Variants in EXOC6 observed in about 807,000 individuals in gnomAD.
EXOC6 encodes SEC15-like 1.
EXOC6 carries 60 observed loss-of-function variants against 112.5 expected under a neutral mutation model. The observed-to-expected ratio is 0.53, with a 90% CI of 0.43 to 0.66. The LOEUF (loss-of-function observed/expected upper bound fraction) is 0.66, where lower values mean the gene tolerates loss of function less well. Among genes scored for constraint, EXOC6 ranks in the 30% least tolerant of loss-of-function variants. The pLI is 0.00. For synonymous variants in EXOC6, 295 were observed against 308.0 expected (o/e 0.96, Z 0.44); for missense variants, 855 against 957.1 (o/e 0.89, Z 1.41).
chr10:92,987,690 A>C, intron 18 of EXOC6: 1 of 887,772 alleles, frequency 1.1e-6, no homozygotes, highest in African/African-American at 1.8e-5. Flanking sequence ...AAAATAATGA[A>C]TTTCCTGCAG....
chr10:93,057,111 A>G (rs1846579494), intron 21 of EXOC6, 75 bp downstream of exon 21: 1 of 775,258 alleles, frequency 1.3e-6, no homozygotes, highest in East Asian at 2.9e-5. Context: ...AGAACTAGAG[A>G]TTTCTGTCAA....
chr10:92,997,359 T>A, intron 18 of EXOC6, 115 bp from the exon 19 acceptor site: 1 of 930,668 alleles, frequency 1.1e-6, no homozygotes. Context: ...GTAACCACTA[T>A]TGTACCAAGC....
rs78627331 is a variant in EXOC6 at position 93,052,497 on chromosome 10, A to C, written c.2170-4427A>C. 7.5e-4 allele frequency among the ~76,000 whole-genome samples: 114 copies of C among 152,378 alleles called. No individual in the cohort carries two copies. In the East Asian group the frequency reaches 0.018, roughly 24 times the overall value. ...AGGGAATGCTGAGGAAGTGAAATGTACAACTCACTTACAAATGTTGGCATA... is the reference window on the plus strand; with the variant it reads ...AGGGAATGCTGAGGAAGTGAAATGTCCAACTCACTTACAAATGTTGGCATA... On this transcript the variant is annotated intron_variant, in intron 20 of 21. Coordinates refer to ENST00000260762, the MANE Select transcript of EXOC6 (RefSeq NM_019053.6).
At chr10:92,982,278 G>A (rs1842854559) in intron 18 of EXOC6, among the ~76,000 whole-genome samples, 4 of 152,022 alleles carry the variant, frequency 2.6e-5, no homozygotes, top group Admixed American at 2.6e-4. Context: ...TCTATTAACA[G>A]GAGTATTCCT....
intron 1 of EXOC6, among the ~76,000 whole-genome samples, chr10:92,839,086 C>A (rs1207363140): frequency 6.6e-6 from 1 of 151,692 alleles, no homozygotes; most frequent in Non-Finnish European, 1.5e-5. Flanking sequence ...AAAAAAAAAT[C>A]CCCTAGCTTG....
chr10:92,893,024 A>C (rs1046914600), intron 1 of EXOC6, among the ~76,000 whole-genome samples: 1 of 152,210 alleles, frequency 6.6e-6, no homozygotes, highest in South Asian at 2.1e-4. Flanking sequence ...GAGTTTGTTC[A>C]TTCATTCTTT....
intron 2 of EXOC6, among the ~76,000 whole-genome samples, chr10:92,894,019 A>G (rs560530108): frequency 7.9e-5 from 12 of 152,312 alleles, no homozygotes; most frequent in African/African-American, 2.9e-4. Flanking sequence ...AGAGACCTAG[A>G]TTTGTTCAGT....
chr10:93,040,778 G>A (rs958417232), intron 20 of EXOC6, among the ~76,000 whole-genome samples: 1 of 152,260 alleles, frequency 6.6e-6, no homozygotes, highest in Middle Eastern at 3.4e-3. Context: ...TCTTTCTGCT[G>A]CATTTGGTAA....
intron 14 of EXOC6, among the ~76,000 whole-genome samples, chr10:92,951,592 A>G (rs1853417289): frequency 6.6e-6 from 1 of 152,210 alleles, no homozygotes; most frequent in South Asian, 2.1e-4. Flanking sequence ...GAAGGTGAAG[A>G]TAGAAGGGTA....
In EXOC6 at chr10:92,954,646, G is replaced by A. The variant is rs1214118234; in HGVS notation, c.1543G>A (p.Asp515Asn). The A allele has an allele frequency of 2.5e-6, 4 of 1,591,196 alleles. No homozygotes were observed. Among genetic ancestry groups the A allele is most frequent in the Non-Finnish European group, 3.4e-6 (4 of 1,162,310 alleles). ...TGTTTTTAGCTCAACAGAAATAGAC[G>A]ATATGCTTAGAAAATCAACAAATCT... Reference protein sequence around the residue: ...SLHRSSTEIDDMLRKSTNLLL... With the variant: ...SLHRSSTEIDNMLRKSTNLLL... The change falls in exon 16 of 22, where the codon GAT (aspartate) becomes AAT (asparagine). Residue 515 changes from aspartate (D) to asparagine (N), a missense_variant. By Grantham distance (23) the Asp-to-Asn change is conservative. This residue lies in a region of EXOC6 where 450 missense variants were observed against 563.5 expected (regional missense o/e 0.80). Transcript: ENST00000260762.
At chr10:92,933,202 T>C (rs867399862) in intron 9 of EXOC6, among the ~76,000 whole-genome samples, 1 of 151,992 alleles carries the variant, frequency 6.6e-6, no homozygotes, top group Non-Finnish European at 1.5e-5. Flanking sequence ...CTGCCACAAC[T>C]ACAAGGAGAA....
chr10:92,962,334 T>C (rs1211539919), intron 17 of EXOC6, among the ~76,000 whole-genome samples: 3 of 152,158 alleles, frequency 2.0e-5, no homozygotes, highest in Non-Finnish European at 4.4e-5. Flanking sequence ...TGTTAAATGA[T>C]GTTTATTAAG....
At chr10:92,896,179 ATATTTTTTTTTTTTTTTTTTTT>A (rs1480820036) in intron 4 of EXOC6, among the ~76,000 whole-genome samples, 382 of 13,070 alleles carry the variant, frequency 0.029, 37 homozygotes, top group African/African-American at 0.15. Flanking sequence ...ATATATATAT[ATATTTTTTTTTTTTTTTTTTTT>A]TTTTTTTTTT....
chr10:92,936,143 T>C (rs1021395956), intron 12 of EXOC6, among the ~76,000 whole-genome samples: 2 of 152,170 alleles, frequency 1.3e-5, no homozygotes, highest in African/African-American at 2.4e-5. Flanking sequence ...ATTTTTATAG[T>C]TGAAAAAAAG....
chr10:92,932,736 G>A lies in EXOC6; in HGVS notation c.973-1408G>A, dbSNP rs140518983. On this transcript the variant is annotated intron_variant, in intron 9 of 21. Transcript: ENST00000260762. ...AAGGGAAGATGTGAGATGCAAGAAG[G>A]AATGAATAGCAAAAAAAGTATAAAT... is the stretch of plus-strand genomic sequence containing the variant. Among the ~76,000 whole-genome samples, 62 of 152,158 alleles carry A rather than the reference G, an allele frequency of 4.1e-4. 1 individual carries two copies. The highest frequency in any genetic ancestry group is 2.0e-4 in the Admixed American group (3 of 15,278).
intron 1 of EXOC6, among the ~76,000 whole-genome samples, chr10:92,838,538 G>A (rs1039825752): frequency 6.6e-6 from 1 of 152,182 alleles, no homozygotes; most frequent in African/African-American, 2.4e-5. Flanking sequence ...ATAGTTTCAG[G>A]AGAGAGCTGA....
At chr10:93,038,391 A>G (rs1462097992) in intron 20 of EXOC6, among the ~76,000 whole-genome samples, 2 of 152,236 alleles carry the variant, frequency 1.3e-5, no homozygotes, top group African/African-American at 4.8e-5. Context: ...TACAAATAAA[A>G]AGAAATGTTT....
Position 92,974,181 on chromosome 10 carries a change from G to A in EXOC6, c.1902G>A (p.Met634Ile), listed in dbSNP as rs199656453. 12 of 1,586,726 alleles carry A rather than the reference G, an allele frequency of 7.6e-6. No homozygotes were observed. The highest frequency in any genetic ancestry group is 1.0e-5 in the Non-Finnish European group (12 of 1,173,756). ...EPDGRASGYL[M>I]DLINFLRSIF... is the part of the protein sequence containing the mutation. ...ATGGAAGAGCTAGTGGTTATTTAAT[G>A]GACCTTATAAATTTTTTGAGAAGCA... The change falls in exon 18 of 22, where the codon ATG becomes ATA. Residue 634 changes from methionine (M) to isoleucine (I), a missense_variant. Physicochemically the swap from Met to Ile is conservative, Grantham distance 10 (BLOSUM62 1). Coordinates refer to ENST00000260762, the MANE Select transcript of EXOC6 (RefSeq NM_019053.6).
At chr10:92,943,088 C>G (rs1349923699) in intron 13 of EXOC6, among the ~76,000 whole-genome samples, 1 of 151,404 alleles carries the variant, frequency 6.6e-6, no homozygotes, top group East Asian at 1.9e-4. Flanking sequence ...GTGGCGTGAC[C>G]TCGGCTCACT....
Sources: allele counts gnomAD v4.1 joint callset (sites outside exome capture counted in the v4.1 genomes callset), GRCh38; gene constraint gnomAD v4.1.1; regional missense constraint gnomAD v4.1.1; transcripts MANE v1.5; gene names NCBI Gene and HGNC (gene_info 2026-07-23, HGNC 2026-07-21).